The following GMNC variants were observed in gnomAD, a reference collection of about 807,000 sequenced individuals.
GMNC encodes geminin coiled-coil domain-containing protein 1.
In GMNC, 16 loss-of-function variants were observed where a neutral mutation model predicts 33.6. That is an observed-to-expected ratio of 0.48 (90% confidence interval 0.32 to 0.72). The LOEUF (loss-of-function observed/expected upper bound fraction) is 0.72. GMNC is among the 30% of genes least tolerant of loss of function. The pLI is 0.03. For synonymous variants in GMNC, 156 were observed against 147.3 expected (o/e 1.06, Z -0.43); for missense variants, 393 against 388.9 (o/e 1.01, Z -0.09).
intron 4 of GMNC, among the ~76,000 whole-genome samples, chr3:190,856,858 T>C (rs553037908): frequency 2.0e-5 from 3 of 152,050 alleles, no homozygotes; most frequent in Admixed American, 6.6e-5. Context: ...AGTAATATAA[T>C]AAGTGTCCTT....
In GMNC at chr3:190,855,734, A is replaced by G; in HGVS notation, c.566T>C (p.Val189Ala). The change falls in exon 5 of 5, where the codon GTC becomes GCC. Residue 189 changes from valine (V) to alanine (A), a missense_variant. By Grantham distance (64) the Val-to-Ala change is moderately conservative. Transcript: ENST00000442080. ...EQAGPPVDPWVLQTLGLKDLD... is the reference protein window; with the variant it reads ...EQAGPPVDPWALQTLGLKDLD... ...GTCTTTTAACCCAAGTGTTTGAAGG[A>G]CCCAGGGATCCACAGGGGGCCCAGC... The G allele has an allele frequency of 6.4e-7, 1 of 1,551,446 alleles. No homozygotes were observed. Among genetic ancestry groups the G allele is most frequent in the Non-Finnish European group, 8.7e-7 (1 of 1,146,860 alleles).
chr3:190,847,752 C>T (rs1737574065), downstream of GMNC, among the ~76,000 whole-genome samples: 1 of 152,130 alleles, frequency 6.6e-6, no homozygotes, highest in South Asian at 2.1e-4. Context: ...AGTTTCCTCC[C>T]CCTCTTCCTC....
intron 4 of GMNC, among the ~76,000 whole-genome samples, 195 bp from the exon 5 acceptor site, chr3:190,856,110 T>A (rs1031339631): frequency 5.9e-5 from 9 of 151,682 alleles, no homozygotes; most frequent in Admixed American, 1.3e-4. Flanking sequence ...TTGTTTTAAA[T>A]GTTGAAAGGA....
At chr3:190,849,488 C>T (rs1224234211), downstream of GMNC, among the ~76,000 whole-genome samples, 1 of 152,170 alleles carries the variant, frequency 6.6e-6, no homozygotes, top group Admixed American at 6.5e-5. Flanking sequence ...GAATTCTCAG[C>T]GCATACTCAT....
chr3:190,856,834 A>G (rs1737756835), intron 4 of GMNC, among the ~76,000 whole-genome samples: 1 of 151,914 alleles, frequency 6.6e-6, no homozygotes, highest in Non-Finnish European at 1.5e-5. Context: ...AAAACTGCCT[A>G]GTTATTATCA....
In GMNC at chr3:190,862,602, T is replaced by C; in HGVS notation, c.3+11A>G. 1 of 1,550,626 alleles carries C rather than the reference T, an allele frequency of 6.4e-7. No individual in the cohort carries two copies. The highest frequency in any genetic ancestry group is 8.7e-7 in the Non-Finnish European group (1 of 1,145,570). ...TGCCAGCGGACTAGCTAACGCCAGT[T>C]CCTCACTTACCATCTTGCAGTGGAA... On this transcript the variant is annotated intron_variant, in intron 1 of 4. Coordinates refer to ENST00000442080, the MANE Select transcript of GMNC (RefSeq NM_001146686.3). The surrounding 1 kb of genome is among the most constrained non-coding windows in gnomAD (Gnocchi z 4.5).
Position 190,862,506 on chromosome 3 carries a change from C to G in GMNC, c.3+107G>C, listed in dbSNP as rs1737895423. 1.2e-6 allele frequency: 1 copy of G among 828,678 alleles called. No homozygotes were observed. Among genetic ancestry groups the G allele is most frequent in the Non-Finnish European group, 2.1e-6 (1 of 486,632 alleles). 51.3% of individuals were successfully genotyped at this position (828,678 alleles called of 1,614,324 possible). Reference sequence around the variant, plus strand: ...AGGATCTGTTTTAACTGGCGGGTAGCGGAGAAATCTTGCTCCGAAGGTGGA... The same window carrying G: ...AGGATCTGTTTTAACTGGCGGGTAGGGGAGAAATCTTGCTCCGAAGGTGGA... On this transcript the variant is annotated intron_variant, in intron 1 of 4. Coordinates refer to ENST00000442080, the MANE Select transcript of GMNC (RefSeq NM_001146686.3). This position sits in a 1 kb window ranked among gnomAD's most constrained non-coding sequence, Gnocchi z 4.5.
chr3:190,852,608 C>G (rs61498923), downstream of GMNC, among the ~76,000 whole-genome samples: 2,154 of 152,184 alleles, frequency 0.014, 51 homozygotes, highest in African/African-American at 0.05. Context: ...ATTCGAAAGC[C>G]TCATTAATAT....
At chr3:190,858,835 A>G (rs1737803158) in intron 3 of GMNC, 93 bp downstream of exon 3, 2 of 704,212 alleles carry the variant, frequency 2.8e-6, no homozygotes, top group Non-Finnish European at 2.4e-6. Flanking sequence ...CTGAGTCAGC[A>G]TGAATTTCAA....
chr3:190,844,816 C>T, the GMNC span, among the ~76,000 whole-genome samples: 1,601 of 152,098 alleles, frequency 0.011, 28 homozygotes, highest in African/African-American at 0.037. Context: ...TTTGAATACA[C>T]TTAACAGAAA....
rs1737784352 is a variant in GMNC at position 190,858,002 on chromosome 3, G to C, written c.268-103C>G. On this transcript the variant is annotated intron_variant, in intron 3 of 4. Coordinates refer to ENST00000442080, the MANE Select transcript of GMNC (RefSeq NM_001146686.3). ...ACTGCCTTAAACTTGATGATTGTTT[G>C]TTGTATGAACACAAGCACAGGGAGC... The C allele has an allele frequency of 4.2e-6, 3 of 707,270 alleles. No homozygotes were observed. The South Asian group carries it at 4.8e-5, about 11-fold the overall frequency. 43.8% of individuals were successfully genotyped at this position (707,270 alleles called of 1,614,324 possible). A position where few individuals can be genotyped will look rare whatever the true frequency, so the allele number is the denominator to read the frequency against.
In GMNC at chr3:190,855,772, G is replaced by A. The variant is rs1237786386; in HGVS notation, c.528C>T (p.Asn176=). 1.9e-6 allele frequency: 3 copies of A among 1,551,532 alleles called. No individual in the cohort carries two copies. Among genetic ancestry groups the A allele is most frequent in the Non-Finnish European group, 1.7e-6 (2 of 1,146,894 alleles). ...CAGGGGGCCCAGCTTGTTCTTCACA[G>A]TTAGCAAATTCACTAGAGAGGTTTC... ...AKRNLSSEFA[N]CEEQAGPPVD... Residue 176 remains asparagine (N), a synonymous_variant, in exon 5 of 5, where the codon AAC becomes AAT. Coordinates refer to ENST00000442080, the MANE Select transcript of GMNC (RefSeq NM_001146686.3).
intron 3 of GMNC, among the ~76,000 whole-genome samples, chr3:190,858,598 CATT>C (rs1404402813): frequency 1.3e-5 from 2 of 152,316 alleles, no homozygotes; most frequent in African/African-American, 4.8e-5. Flanking sequence ...CTGTCACACT[CATT>C]ATATCATTCG....
chr3:190,848,545 C>G (rs1195414385), downstream of GMNC, among the ~76,000 whole-genome samples: 1 of 152,118 alleles, frequency 6.6e-6, no homozygotes, highest in Non-Finnish European at 1.5e-5. Context: ...AATAGGAAAA[C>G]AGTGGGCATT....
In GMNC at chr3:190,855,046, A is replaced by T; in HGVS notation, c.*249T>A. 4 of 496,022 alleles carry T rather than the reference A, an allele frequency of 8.1e-6. No homozygotes were observed. In the South Asian group the frequency reaches 9.6e-5, roughly 12 times the overall value. 30.7% of individuals were successfully genotyped at this position (496,022 alleles called of 1,614,324 possible). ...ATACCTTATCAAGTATAGGGCAAAG[A>T]GAGGATGTCAATAGCAGGTATTGGT... On this transcript the variant is annotated 3_prime_UTR_variant, in exon 5 of 5. Transcript: ENST00000442080.
Position 190,858,910 on chromosome 3 carries a change from GT to G in GMNC, c.267+17del, listed in dbSNP as rs1158540554. 2 of 1,449,172 alleles carry G rather than the reference GT, an allele frequency of 1.4e-6. No individual in the cohort carries two copies. The highest frequency in any genetic ancestry group is 2.5e-5 in the South Asian group (2 of 81,378). 89.8% of individuals were successfully genotyped at this position (1,449,172 alleles called of 1,614,324 possible). The stretch of plus-strand genomic sequence containing the variant: ...CACATAGAACATGACCAGTCTCAAT[GT>G]TCTGACTTACACATACCTGCTTATT... On this transcript the variant is annotated intron_variant, in intron 3 of 4. Coordinates refer to ENST00000442080, the MANE Select transcript of GMNC (RefSeq NM_001146686.3).
At position 190,861,320 on chromosome 3, in the gene GMNC, C is replaced by G. The variant is rs1215658707; in HGVS notation, c.4-462G>C. Among the ~76,000 whole-genome samples, 1 of 152,194 alleles carries G rather than the reference C, an allele frequency of 6.6e-6. No individual in the cohort carries two copies. Among genetic ancestry groups the G allele is most frequent in the African/African-American group, 2.4e-5 (1 of 41,444 alleles). Reference sequence around the variant, plus strand: ...AATGCTAAAGCTGAAATGGATGTGACATAATATAGACTAACGTCTTCATTT... The same window carrying G: ...AATGCTAAAGCTGAAATGGATGTGAGATAATATAGACTAACGTCTTCATTT... On this transcript the variant is annotated intron_variant, in intron 1 of 4. Transcript: ENST00000442080. This position sits in a 1 kb window ranked among gnomAD's most constrained non-coding sequence, Gnocchi z 5.1.
downstream of GMNC, among the ~76,000 whole-genome samples, chr3:190,848,771 T>G (rs1189484287): frequency 3.9e-5 from 6 of 152,180 alleles, no homozygotes; most frequent in African/African-American, 1.4e-4. Context: ...ACAAACACTA[T>G]TACCTCCATT....
chr3:190,852,258 A>T (rs373380768), downstream of GMNC, among the ~76,000 whole-genome samples: 5 of 152,086 alleles, frequency 3.3e-5, no homozygotes, highest in African/African-American at 1.2e-4. Context: ...TGTTAAATCC[A>T]TTTGTCATTC....
Sources: gnomAD v4.1 joint callset for allele counts (sites outside exome capture counted in the v4.1 genomes callset) on GRCh38, gnomAD v4.1.1 for gene constraint, Gnocchi (gnomAD v3.1) non-coding constraint, MANE v1.5 for transcripts, NCBI Gene and HGNC (gene_info 2026-07-23, HGNC 2026-07-21) for gene names.